BAZ1B: variants seen among roughly 807,000 people sequenced by gnomAD.
BAZ1B encodes the protein bromodomain adjacent to zinc finger domain 1B, also known as tyrosine-protein kinase BAZ1B.
BAZ1B carries 22 observed loss-of-function variants against 153.8 expected under a neutral mutation model. That is an observed-to-expected ratio of 0.14 (90% confidence interval 0.10 to 0.20). The LOEUF (loss-of-function observed/expected upper bound fraction) is 0.20. Ranked by LOEUF, BAZ1B falls within the 10% of genes least tolerant of loss-of-function variation. BAZ1B has a pLI of 1.00. For synonymous variants in BAZ1B, 676 were observed against 633.4 expected, an observed-to-expected ratio of 1.07 and a Z score of -1.01; for missense variants, 1,325 against 1,799.3, an observed-to-expected ratio of 0.74 and a Z score of 4.77.
chr7:73,472,695 G>T (rs1184787952), intron 7 of BAZ1B, among the ~76,000 whole-genome samples: 2 of 152,148 alleles, frequency 1.3e-5, no homozygotes, highest in African/African-American at 4.8e-5. Context: ...TCCTGCCGCA[G>T]CCTCCCAAGT....
intron 10 of BAZ1B, 32 bp downstream of exon 10, chr7:73,466,264 A>G: frequency 6.7e-7 from 1 of 1,494,222 alleles, no homozygotes; most frequent in Non-Finnish European, 9.3e-7. Flanking sequence ...AAAAGGAAAA[A>G]GAAAGAGCAA....
intron 5 of BAZ1B, among the ~76,000 whole-genome samples, chr7:73,491,973 A>G (rs1332757735): frequency 6.6e-6 from 1 of 150,792 alleles, no homozygotes; most frequent in Non-Finnish European, 1.5e-5. Flanking sequence ...TCTTAGTTCC[A>G]ATCAGCAAAA....
chr7:73,506,733 C>T (rs1790358326), intron 3 of BAZ1B, among the ~76,000 whole-genome samples: 1 of 148,154 alleles, frequency 6.7e-6, no homozygotes, highest in Non-Finnish European at 1.5e-5. Flanking sequence ...CGCCTGTAGT[C>T]CCAGCTACTC....
At position 73,465,358 on chromosome 7, in the gene BAZ1B, G is replaced by A. The variant is rs539047088; in HGVS notation, c.3071+81C>T. ...ATATTTTACTTTAGTAACTTAAATG[G>A]ATAAGAAAAAAAACCCTCAGATATT... On this transcript the variant is annotated intron_variant, in intron 11 of 19. Transcript: ENST00000339594. 3.2e-5 allele frequency: 30 copies of A among 928,862 alleles called. No homozygotes were observed. In the East Asian group the frequency reaches 7.1e-4, roughly 22 times the overall value. 57.5% of individuals were successfully genotyped at this position (928,862 alleles called of 1,614,324 possible).
At position 73,492,785 on chromosome 7, in the gene BAZ1B, A is replaced by C. The variant is rs782346503; in HGVS notation, c.693+15T>G. ...AGAACATCTATCACATGTAAAAAGT[A>C]AAGTGTCAACTAACCTTATCTTCAT... On this transcript the variant is annotated intron_variant, in intron 5 of 19. Transcript: ENST00000339594. 1.3e-6 allele frequency: 2 copies of C among 1,584,154 alleles called. No homozygotes were observed. Among genetic ancestry groups the C allele is most frequent in the Non-Finnish European group, 1.7e-6 (2 of 1,168,670 alleles).
At chr7:73,486,210 A>C (rs1554574460) in intron 6 of BAZ1B, among the ~76,000 whole-genome samples, 1 of 152,188 alleles carries the variant, frequency 6.6e-6, no homozygotes, top group African/African-American at 2.4e-5. Context: ...GAAAACCACA[A>C]ACACACCCTC....
intron 13 of BAZ1B, among the ~76,000 whole-genome samples, chr7:73,456,010 G>A (rs1753527457): frequency 6.6e-6 from 1 of 151,910 alleles, no homozygotes; most frequent in African/African-American, 2.4e-5. Flanking sequence ...AACTAGGGTG[G>A]GAGTTATATA....
Position 73,508,487 on chromosome 7 carries a change from T to C in BAZ1B, c.225-16A>G. On this transcript the variant is annotated splice_polypyrimidine_tract_variant and intron_variant, in intron 2 of 19. Coordinates refer to ENST00000339594, the MANE Select transcript of BAZ1B (RefSeq NM_032408.4). ...CTCCTTCAAACTAAATAAATGTAAT[T>C]AGTTATCAAGAAAACACAGAAACAC... 2.5e-6 allele frequency: 4 copies of C among 1,594,176 alleles called. No individual in the cohort carries two copies. The Middle Eastern group carries it at 5.0e-4, about 199-fold the overall frequency.
chr7:73,487,290 T>TG (rs1554574607), intron 6 of BAZ1B, among the ~76,000 whole-genome samples: 5 of 152,202 alleles, frequency 3.3e-5, no homozygotes, highest in African/African-American at 1.2e-4. Context: ...CAGCTGGGCG[T>TG]GGTGGTACGT....
At chr7:73,462,767 C>A (rs1400030105) in intron 12 of BAZ1B, 155 bp downstream of exon 12, 7 of 754,206 alleles carry the variant, frequency 9.3e-6, no homozygotes, top group Admixed American at 8.4e-5. Context: ...AATACATATA[C>A]ATAAGGTATT....
In BAZ1B at chr7:73,498,500, T is replaced by A. The variant is rs146190358; in HGVS notation, c.568A>T (p.Ile190Phe). 4.2e-5 allele frequency: 68 copies of A among 1,612,420 alleles called. No individual in the cohort carries two copies. The African/African-American group carries it at 6.8e-4, about 16-fold the overall frequency. The change falls in exon 4 of 20, where the codon ATT becomes TTT. Residue 190 changes from isoleucine to phenylalanine, a missense_variant. Transcript: ENST00000339594. Reference sequence around the variant, plus strand: ...GGAAAGCTAATATCAAACATACTAATACTCTCTCTCCTTCCTTCATCCTCT... The same window carrying A: ...GGAAAGCTAATATCAAACATACTAAAACTCTCTCTCCTTCCTTCATCCTCT... ...VKEDEGRRES[I>F]NDRARRSPRK...
intron 3 of BAZ1B, 84 bp downstream of exon 3, chr7:73,508,241 TTA>T (rs1790425253): frequency 1.5e-6 from 2 of 1,370,214 alleles, no homozygotes; most frequent in East Asian, 4.6e-5. Context: ...TAACACAGTT[TTA>T]CACACATAGA....
intron 6 of BAZ1B, among the ~76,000 whole-genome samples, chr7:73,483,273 T>G (rs1426065194): frequency 6.6e-6 from 1 of 152,176 alleles, no homozygotes; most frequent in Non-Finnish European, 1.5e-5. Flanking sequence ...AGGATAAAAA[T>G]TAAAGAAATT....
intron 6 of BAZ1B, among the ~76,000 whole-genome samples, chr7:73,479,285 G>C (rs1445421979): frequency 1.3e-5 from 2 of 152,046 alleles, no homozygotes; most frequent in Non-Finnish European, 2.9e-5. Flanking sequence ...GAGGCAGGCA[G>C]ATCACTTGAG....
chr7:73,470,758 CAG>C (rs1563376493), intron 7 of BAZ1B, among the ~76,000 whole-genome samples: 2 of 152,152 alleles, frequency 1.3e-5, no homozygotes, highest in East Asian at 1.9e-4. Context: ...TGTTTTGAGG[CAG>C]AGTCTTGCTC....
At position 73,496,710 on chromosome 7, in the gene BAZ1B, T is replaced by C. The variant is rs543531067; in HGVS notation, c.571+1787A>G. Among the ~76,000 whole-genome samples the C allele has an allele frequency of 2.2e-4, 33 of 152,244 alleles. No homozygotes were observed. In the South Asian group the frequency reaches 6.0e-3, roughly 28 times the overall value. Reference sequence around the variant, plus strand: ...GAGTCTCCAGGTCCCTAGGACATCATAGTTTCAGGATTTTACCTGCTCCCG... The same window carrying C: ...GAGTCTCCAGGTCCCTAGGACATCACAGTTTCAGGATTTTACCTGCTCCCG... On this transcript the variant is annotated intron_variant, in intron 4 of 19. Coordinates refer to ENST00000339594, the MANE Select transcript of BAZ1B (RefSeq NM_032408.4).
Position 73,469,556 on chromosome 7 carries a change from C to A in BAZ1B, c.2827G>T (p.Asp943Tyr), listed in dbSNP as rs993270030. ...IDYRFNHHCK[D>Y]HTVSGDEDYC... Reference sequence around the variant, plus strand: ...TCCTCATCACCAGAGACTGTGTGGTCTTTGCAGTGATGGTTGAATCGGTAG... The same window carrying A: ...TCCTCATCACCAGAGACTGTGTGGTATTTGCAGTGATGGTTGAATCGGTAG... Residue 943 changes from aspartate to tyrosine, a missense_variant, in exon 9 of 20, where the codon GAC (aspartate) becomes TAC (tyrosine). Asp to Tyr is a radical substitution (Grantham distance 160). Around this residue, in one of 9 missense-constraint regions of BAZ1B, gnomAD observed 431 missense variants for 563.5 expected, o/e 0.76. Transcript: ENST00000339594. 6 of 1,614,072 alleles carry A rather than the reference C, an allele frequency of 3.7e-6. No homozygotes were observed. In the African/African-American group the frequency reaches 8.0e-5, roughly 22 times the overall value.
At chr7:73,474,062 T>C (rs1788911111) in intron 7 of BAZ1B, among the ~76,000 whole-genome samples, 1 of 152,190 alleles carries the variant, frequency 6.6e-6, no homozygotes, top group Non-Finnish European at 1.5e-5. Flanking sequence ...ATCAAGACAG[T>C]GTGGCTTTTA....
At chr7:73,505,795 C>T (rs138553635) in intron 3 of BAZ1B, among the ~76,000 whole-genome samples, 1,902 of 152,318 alleles carry the variant, frequency 0.012, 42 homozygotes, top group African/African-American at 0.044. Flanking sequence ...AGGTGATCTG[C>T]CCACCTTGGT....
Sources: allele counts gnomAD v4.1 joint callset (sites outside exome capture counted in the v4.1 genomes callset), GRCh38; gene constraint gnomAD v4.1.1; regional missense constraint gnomAD v4.1.1; transcripts MANE v1.5; gene names NCBI Gene and HGNC (gene_info 2026-07-23, HGNC 2026-07-21).